KARS1: variants seen among roughly 807,000 people sequenced by gnomAD.
KARS1 encodes lysine--tRNA ligase.
A neutral mutation model predicts 63.9 loss-of-function variants in KARS1; 50 were observed. That is an observed-to-expected ratio of 0.78 (90% CI 0.62 to 0.99). KARS1 has a LOEUF of 0.99. Among genes scored for constraint, KARS1 ranks in the 50% least tolerant of loss-of-function variants. The pLI is 0.00. For synonymous variants in KARS1, 320 were observed against 264.6 expected (o/e 1.21, Z -2.03); for missense variants, 816 against 754.5 (o/e 1.08, Z -0.95).
chr16:75,636,419 C>T (rs776878282), intron 4 of KARS1, 35 bp downstream of exon 4: 1 of 1,386,194 alleles, frequency 7.2e-7, no homozygotes, highest in Non-Finnish European at 1.0e-6. Context: ...TCTAGGCCAA[C>T]CAAGAAAGGT....
At chr16:75,644,308 C>T in intron 1 of KARS1, 1 of 1,605,090 alleles carries the variant, frequency 6.2e-7, no homozygotes, top group Non-Finnish European at 8.5e-7. Context: ...AATGACTTGT[C>T]CTTGTGAGGC....
At chr16:75,641,421 G>T in intron 2 of KARS1, 143 bp downstream of exon 2, 4 of 687,802 alleles carry the variant, frequency 5.8e-6, no homozygotes, top group South Asian at 5.2e-5. Flanking sequence ...CCTTTAACCA[G>T]ATGCAGTGGG....
intron 10 of KARS1, 63 bp downstream of exon 10, chr16:75,631,105 C>T (rs1422704444): frequency 1.5e-6 from 2 of 1,349,782 alleles, no homozygotes; most frequent in Non-Finnish European, 2.1e-6. Context: ...TTCATTTTCC[C>T]AGGGAAGAGG....
At chr16:75,647,413 C>G in intron 1 of KARS1, 165 bp downstream of exon 1, 1 of 722,776 alleles carries the variant, frequency 1.4e-6, no homozygotes, top group Admixed American at 2.1e-5. Context: ...CGGGGTATCC[C>G]GGGGTACGTG....
chr16:75,643,569 TG>T (rs1463695109), intron 1 of KARS1, among the ~76,000 whole-genome samples: 1 of 152,116 alleles, frequency 6.6e-6, no homozygotes, highest in African/African-American at 2.4e-5. Flanking sequence ...TTAGTGAAGA[TG>T]GGGTTTCACC....
At chr16:75,646,733 G>T (rs1211232876) in intron 1 of KARS1, among the ~76,000 whole-genome samples, 1 of 151,370 alleles carries the variant, frequency 6.6e-6, no homozygotes, top group Non-Finnish European at 1.5e-5. Flanking sequence ...TGCAACCTCC[G>T]CCTCCTGGGT....
rs1271589390 is a variant in KARS1 at position 75,645,874 on chromosome 16, A to T, written c.62+1704T>A. 3.3e-5 allele frequency among the ~76,000 whole-genome samples: 5 copies of T among 151,418 alleles called. No individual in the cohort carries two copies. In the South Asian group the frequency reaches 8.3e-4, roughly 25 times the overall value. On this transcript the variant is annotated intron_variant, in intron 1 of 13. Transcript: ENST00000302445. ...AAAAAAAAAAAAAAAAAAGTCAGTA[A>T]AGAGGAATTAACCAGTTTTTTCCGT...
chr16:75,630,467 T>C lies in KARS1; in HGVS notation c.1380A>G (p.Thr460=), dbSNP rs780300461. 3.1e-6 allele frequency: 5 copies of C among 1,612,476 alleles called. No homozygotes were observed. The highest frequency in any genetic ancestry group is 1.1e-5 in the South Asian group (1 of 91,050). Residue 460 remains threonine (T), a synonymous_variant, in exon 11 of 14, where the codon ACA becomes ACG. Coordinates refer to ENST00000302445, the MANE Select transcript of KARS1 (RefSeq NM_005548.3). ...TTATCTGTGGGTGATCACAGATGAA[T>C]GTAGGATTGATGCAAGTCACTTCCA... is the stretch of plus-strand genomic sequence containing the variant. ...EFLEVTCINP[T]FICDHPQIMS...
Position 75,627,955 on chromosome 16 carries a change from CTT to C in KARS1, c.1732_1733del (p.Lys578GlufsTer8). On this transcript the variant is annotated frameshift_variant, in exon 14 of 14. Transcript: ENST00000302445. LOFTEE classifies it high-confidence loss of function. ...TATCAGTGGTTGCTACATTCTCCTT[CTT>C]GTCTTCGGGTTTCATGGCAGGAAAC... ...LLFPAMKPED[K>X]KENVATTDTL... The C allele has an allele frequency of 1.9e-6, 3 of 1,611,970 alleles. 1 individual carries two copies. The highest frequency in any genetic ancestry group is 1.3e-5 in the African/African-American group (1 of 74,968).
In KARS1 at chr16:75,629,397, C is replaced by T; in HGVS notation, c.1551+18G>A. ...CTGGTGAGTTGGCACAGCTTCTGCT[C>T]ACAGTCCCCTTTCTCACCTTGGCCT... is the stretch of plus-strand genomic sequence containing the variant. On this transcript the variant is annotated intron_variant, in intron 12 of 13. Transcript: ENST00000302445. The T allele has an allele frequency of 6.2e-7, 1 of 1,613,652 alleles. No individual in the cohort carries two copies.
intron 1 of KARS1, chr16:75,642,944 T>G (rs1006924453): frequency 4.6e-5 from 7 of 152,200 alleles, no homozygotes; most frequent in African/African-American, 1.7e-4. Context: ...GCTAACCAAA[T>G]GTGAGCTTTC....
intron 3 of KARS1, among the ~76,000 whole-genome samples, chr16:75,638,663 G>A (rs1597172150): frequency 6.6e-6 from 1 of 152,032 alleles, no homozygotes; most frequent in African/African-American, 2.4e-5. Context: ...AAGCTATAAG[G>A]AAATAATAGT....
intron 2 of KARS1, among the ~76,000 whole-genome samples, chr16:75,641,215 G>A (rs1461676925): frequency 9.0e-6 from 1 of 110,680 alleles, no homozygotes; most frequent in African/African-American, 5.2e-5. Context: ...TAAAGTGGGG[G>A]CATGGAGAGT....
intron 13 of KARS1, 122 bp from the exon 14 acceptor site, chr16:75,628,115 C>G (rs892710655): frequency 9.5e-6 from 7 of 735,008 alleles, no homozygotes; most frequent in Non-Finnish European, 1.5e-5. Context: ...TATATTCCAG[C>G]TGAAAAGGCT....
chr16:75,634,346 C>T (rs1054708195), intron 6 of KARS1, 54 bp from the exon 7 acceptor site: 6 of 1,594,534 alleles, frequency 3.8e-6, no homozygotes, highest in Middle Eastern at 1.9e-4. Context: ...GCCTTGGGGA[C>T]AGACCATGCT....
chr16:75,639,490 T>G (rs2082199099), intron 3 of KARS1, among the ~76,000 whole-genome samples: 1 of 146,628 alleles, frequency 6.8e-6, no homozygotes, highest in African/African-American at 2.6e-5. Flanking sequence ...GAGAATTGCT[T>G]GAACCTGGGG....
intron 2 of KARS1, 89 bp from the exon 3 acceptor site, chr16:75,640,438 C>T (rs2082211816): frequency 4.3e-6 from 5 of 1,168,008 alleles, no homozygotes; most frequent in East Asian, 2.3e-5. Context: ...TATTCTGCCC[C>T]CGAGTGACCC....
chr16:75,634,399 T>C (rs1341283195), intron 6 of KARS1, 107 bp from the exon 7 acceptor site: 3 of 1,136,942 alleles, frequency 2.6e-6, no homozygotes, highest in Middle Eastern at 2.8e-4. Flanking sequence ...CCAAACTAAA[T>C]GTTAATAAGT....
rs200649943 is a variant in KARS1 at position 75,629,502 on chromosome 16, C to A, written c.1464G>T (p.Leu488=). Residue 488 remains leucine, a synonymous_variant, in exon 12 of 14, where the codon CTG becomes CTT. Coordinates refer to ENST00000302445, the MANE Select transcript of KARS1 (RefSeq NM_005548.3). ...SKEGLTERFE[L]FVMKKEICNA... ...TGCATATCTCTTTCTTCATGACAAA[C>A]AGCTCAAAGCGCTCAGTCAGACCCT... 1 of 1,614,204 alleles carries A rather than the reference C, an allele frequency of 6.2e-7. No homozygotes were observed. The highest frequency in any genetic ancestry group is 2.2e-5 in the East Asian group (1 of 44,884).
Sources: allele counts gnomAD v4.1 joint callset (sites outside exome capture counted in the v4.1 genomes callset), GRCh38; gene constraint gnomAD v4.1.1; transcripts MANE v1.5; gene names NCBI Gene and HGNC (gene_info 2026-07-23, HGNC 2026-07-21).